C1orf21: variants seen among roughly 807,000 people sequenced by gnomAD.
C1orf21 encodes chromosome 1 open reading frame 21, also known as uncharacterized protein C1orf21.
A neutral mutation model predicts 18.7 loss-of-function variants in C1orf21; 3 were observed. That is an observed-to-expected ratio of 0.16 (90% CI 0.07 to 0.42). The LOEUF is 0.42. Among genes scored for constraint, C1orf21 ranks in the 10% least tolerant of loss-of-function variants. The pLI, the probability that C1orf21 is intolerant of heterozygous loss-of-function variation, is 0.99. For missense variants in C1orf21, 104 were observed against 143.6 expected, an observed-to-expected ratio of 0.72 and a Z score of 1.41; for synonymous variants, 41 against 46.4, an observed-to-expected ratio of 0.88 and a Z score of 0.47.
chr1:184,390,017 T>G (rs1292336837), intron 1 of C1orf21, among the ~76,000 whole-genome samples: 1 of 152,202 alleles, frequency 6.6e-6, no homozygotes, highest in Non-Finnish European at 1.5e-5. Flanking sequence ...TCCTTCCAGC[T>G]CTACTTTGAG....
intron 1 of C1orf21, among the ~76,000 whole-genome samples, chr1:184,401,271 A>ACCATCTCT (rs1656147825): frequency 6.6e-6 from 1 of 151,954 alleles, no homozygotes; most frequent in Non-Finnish European, 1.5e-5. Flanking sequence ...CCCAGGCTGG[A>ACCATCTCT]GTGCAGTGGC....
rs541854879 is a variant in C1orf21, at chr1:184,621,931, G to C, written c.*2375G>C. The C allele has an allele frequency of 6.6e-6, 1 of 152,168 alleles. No homozygotes were observed. The highest frequency in any genetic ancestry group is 1.5e-5 in the Non-Finnish European group (1 of 68,036). 9.4% of individuals were successfully genotyped at this position (152,168 alleles called of 1,614,324 possible). ...ATCCAGAAATAGATCCAAGAAATGGGGTGGTTGAGTGGGTCCGCACGAAAT... is the reference window on the plus strand; with the variant it reads ...ATCCAGAAATAGATCCAAGAAATGGCGTGGTTGAGTGGGTCCGCACGAAAT... On this transcript the variant is annotated 3_prime_UTR_variant, in exon 6 of 6. Transcript: ENST00000235307.
At chr1:184,612,652 G>C (rs559798552) in intron 5 of C1orf21, among the ~76,000 whole-genome samples, 12 of 152,270 alleles carry the variant, frequency 7.9e-5, no homozygotes, top group African/African-American at 2.9e-4. Context: ...CTGCACTCCA[G>C]CCTGGGCAAC....
chr1:184,507,736 A>G, intron 3 of C1orf21, 54 bp downstream of exon 3: 1 of 1,381,136 alleles, frequency 7.2e-7, no homozygotes, highest in Non-Finnish European at 9.9e-7. Flanking sequence ...TATTGTAATA[A>G]AATCTGCACT....
intron 5 of C1orf21, among the ~76,000 whole-genome samples, chr1:184,616,726 CGTGTGTGT>C (rs55938251): frequency 2.0e-5 from 3 of 150,718 alleles, no homozygotes. Context: ...GTTGTGTGCA[CGTGTGTGT>C]GTGTGTGTGT....
chr1:184,532,869 A>G (rs1359543114), intron 3 of C1orf21, among the ~76,000 whole-genome samples: 2 of 152,116 alleles, frequency 1.3e-5, no homozygotes, highest in African/African-American at 4.8e-5. Flanking sequence ...TGTCTGTGTG[A>G]TCTTGGCCAG....
At chr1:184,574,918 C>A (rs1273912908) in intron 3 of C1orf21, among the ~76,000 whole-genome samples, 1 of 152,140 alleles carries the variant, frequency 6.6e-6, no homozygotes, top group Non-Finnish European at 1.5e-5. Flanking sequence ...GAGCTCAGCT[C>A]GGGTGTCTTA....
intron 1 of C1orf21, among the ~76,000 whole-genome samples, chr1:184,399,619 T>G (rs1656117812): frequency 6.6e-6 from 1 of 152,162 alleles, no homozygotes; most frequent in Non-Finnish European, 1.5e-5. Flanking sequence ...GCTCCCAAAG[T>G]GCTCGGATTA....
chr1:184,593,161 T>C (rs1403413321), intron 4 of C1orf21, among the ~76,000 whole-genome samples: 1 of 152,170 alleles, frequency 6.6e-6, no homozygotes, highest in Non-Finnish European at 1.5e-5. Context: ...CTCTTTTCTG[T>C]TTGAAAGAAT....
chr1:184,594,894 C>T (rs1393500798), intron 4 of C1orf21, among the ~76,000 whole-genome samples: 1 of 152,146 alleles, frequency 6.6e-6, no homozygotes, highest in Non-Finnish European at 1.5e-5. Flanking sequence ...TTTTAAGACA[C>T]CAAAAGCGAA....
At chr1:184,549,815 T>G (rs10911607) in intron 3 of C1orf21, among the ~76,000 whole-genome samples, 4,477 of 152,268 alleles carry the variant, frequency 0.029, 207 homozygotes, top group African/African-American at 0.1. Flanking sequence ...ATACAAATAA[T>G]ATACATAAAT....
Position 184,458,993 on chromosome 1 carries a change from G to A in C1orf21, c.-124-18393G>A, listed in dbSNP as rs566049571. 6.1e-4 allele frequency among the ~76,000 whole-genome samples: 93 copies of A among 152,280 alleles called. 2 individuals carry two copies. The South Asian group carries it at 0.019, about 31-fold the overall frequency. On this transcript the variant is annotated intron_variant, in intron 1 of 5. Coordinates refer to ENST00000235307, the MANE Select transcript of C1orf21 (RefSeq NM_030806.4). The stretch of plus-strand genomic sequence containing the variant: ...GTTGTGTGTGTCTTTTCATAAAGCA[G>A]TATATCAATAGTAATCATATCTACT...
At chr1:184,476,525 C>T (rs1408252432) in intron 1 of C1orf21, among the ~76,000 whole-genome samples, 2 of 152,172 alleles carry the variant, frequency 1.3e-5, no homozygotes, top group African/African-American at 4.8e-5. Context: ...AGAGCAAACA[C>T]TCAGAATTTG....
chr1:184,401,490 G>C (rs192639380), intron 1 of C1orf21, among the ~76,000 whole-genome samples: 342 of 152,268 alleles, frequency 2.2e-3, no homozygotes, highest in Middle Eastern at 0.017. Flanking sequence ...GTCTCCCAAA[G>C]TACTGGGATT....
intron 2 of C1orf21, among the ~76,000 whole-genome samples, chr1:184,498,651 G>A (rs1657928658): frequency 6.6e-6 from 1 of 152,090 alleles, no homozygotes; most frequent in Admixed American, 6.6e-5. Flanking sequence ...ACAAAGGAGG[G>A]CATGTGAGAT....
At chr1:184,582,932 G>T (rs911333416) in intron 3 of C1orf21, among the ~76,000 whole-genome samples, 3 of 152,060 alleles carry the variant, frequency 2.0e-5, no homozygotes, top group African/African-American at 7.2e-5. Context: ...TCCATCTCCC[G>T]GTTTCAAGAG....
intron 3 of C1orf21, among the ~76,000 whole-genome samples, chr1:184,557,784 A>G (rs1571276546): frequency 6.6e-6 from 1 of 152,162 alleles, no homozygotes; most frequent in East Asian, 1.9e-4. Flanking sequence ...ACCTTTGGTT[A>G]TATATTAGTT....
chr1:184,414,933 T>G (rs1251482462), intron 1 of C1orf21, among the ~76,000 whole-genome samples: 1 of 152,216 alleles, frequency 6.6e-6, no homozygotes, highest in Non-Finnish European at 1.5e-5. Flanking sequence ...TTTCATGATT[T>G]TGTTTTTCAA....
chr1:184,556,420 T>G (rs1430422698), intron 3 of C1orf21, among the ~76,000 whole-genome samples: 1 of 152,124 alleles, frequency 6.6e-6, no homozygotes, highest in Non-Finnish European at 1.5e-5. Context: ...GTGTCTGTCA[T>G]GGACCCAGGC....
Sources: gnomAD v4.1 joint callset for allele counts (sites outside exome capture counted in the v4.1 genomes callset) on GRCh38, gnomAD v4.1.1 for gene constraint, MANE v1.5 for transcripts, NCBI Gene and HGNC (gene_info 2026-07-23, HGNC 2026-07-21) for gene names.